NDUFS4: variants seen among roughly 807,000 people sequenced by gnomAD.
NDUFS4 encodes NADH:ubiquinone oxidoreductase subunit S4.
A neutral mutation model predicts 24.3 loss-of-function variants in NDUFS4; 28 were observed. That is an observed-to-expected ratio of 1.15 (90% confidence interval 0.85 to 1.58). NDUFS4 has a LOEUF of 1.58. Among genes scored for constraint, NDUFS4 ranks in the 40% most tolerant of loss-of-function variants. The probability of loss-of-function intolerance (pLI) is 0.00; values close to 1 mark genes in which losing one functional copy is unlikely to be tolerated. For synonymous variants in NDUFS4, 93 were observed against 69.7 expected (o/e 1.34, Z -1.67); for missense variants, 223 against 207.9 (o/e 1.07, Z -0.45).
chr5:53,598,137 C>G (rs1352242948), intron 1 of NDUFS4, among the ~76,000 whole-genome samples: 3 of 151,948 alleles, frequency 2.0e-5, no homozygotes, highest in Admixed American at 6.6e-5. Context: ...AGCAAGAAGT[C>G]TCATTTATTG....
At chr5:53,624,183 T>A (rs1751147333) in intron 2 of NDUFS4, among the ~76,000 whole-genome samples, 1 of 152,222 alleles carries the variant, frequency 6.6e-6, no homozygotes. Context: ...TGCAAGGGTT[T>A]ATTTCTAGGC....
intron 2 of NDUFS4, among the ~76,000 whole-genome samples, chr5:53,604,280 T>C (rs989124357): frequency 2.0e-5 from 3 of 152,238 alleles, no homozygotes; most frequent in African/African-American, 7.2e-5. Flanking sequence ...CCCTTTATTA[T>C]TGTACAGTAT....
chr5:53,562,089 C>T (rs891295773), intron 1 of NDUFS4, among the ~76,000 whole-genome samples: 2 of 151,976 alleles, frequency 1.3e-5, no homozygotes, highest in Non-Finnish European at 2.9e-5. Flanking sequence ...CTGCAACCTC[C>T]GCCTCCCGGG....
rs111549194 is a variant in NDUFS4, at chr5:53,661,646, T to C, written c.424+3022T>C. Among the ~76,000 whole-genome samples, 126 of 152,330 alleles carry C rather than the reference T, an allele frequency of 8.3e-4. 1 individual carries two copies. The highest frequency in any genetic ancestry group is 3.0e-3 in the African/African-American group (123 of 41,568). On this transcript the variant is annotated intron_variant, in intron 4 of 4. Coordinates refer to ENST00000296684, the MANE Select transcript of NDUFS4 (RefSeq NM_002495.4). ...TCCTACCCATGAGCATGGAATGTTCTTCCATTTGTTTGTATCCGCTTTTAT... is the reference window on the plus strand; with the variant it reads ...TCCTACCCATGAGCATGGAATGTTCCTCCATTTGTTTGTATCCGCTTTTAT...
At chr5:53,580,026 A>C (rs1749506081) in intron 1 of NDUFS4, among the ~76,000 whole-genome samples, 1 of 152,202 alleles carries the variant, frequency 6.6e-6, no homozygotes, top group Non-Finnish European at 1.5e-5. Context: ...TCTGACTTCT[A>C]GATCTATAAG....
chr5:53,637,951 A>ACTGTCTT (rs1751605405), intron 2 of NDUFS4, among the ~76,000 whole-genome samples: 3 of 152,100 alleles, frequency 2.0e-5, no homozygotes, highest in African/African-American at 7.2e-5. Context: ...ATATATAGTA[A>ACTGTCTT]CTGTCTTATG....
At chr5:53,575,788 T>C (rs369541613) in intron 1 of NDUFS4, among the ~76,000 whole-genome samples, 1 of 152,226 alleles carries the variant, frequency 6.6e-6, no homozygotes, top group East Asian at 1.9e-4. Flanking sequence ...GTGATCTGCC[T>C]GCCTCTGTCT....
chr5:53,671,374 A>C (rs1198602077), intron 4 of NDUFS4, among the ~76,000 whole-genome samples: 1 of 152,094 alleles, frequency 6.6e-6, no homozygotes, highest in Non-Finnish European at 1.5e-5. Context: ...AGAAGAAAAG[A>C]CTGAATGCTC....
chr5:53,659,405 TG>T (rs1752263381), intron 4 of NDUFS4, among the ~76,000 whole-genome samples: 1 of 152,180 alleles, frequency 6.6e-6, no homozygotes, highest in African/African-American at 2.4e-5. Flanking sequence ...ATGGACTTAA[TG>T]TTTCTCAGTT....
chr5:53,655,845 G>A (rs1752145899), intron 3 of NDUFS4, among the ~76,000 whole-genome samples: 1 of 152,174 alleles, frequency 6.6e-6, no homozygotes, highest in African/African-American at 2.4e-5. Context: ...CGGCCTTTCT[G>A]AAGTTTTGAT....
chr5:53,667,050 T>G (rs1476645007), intron 4 of NDUFS4, among the ~76,000 whole-genome samples: 2 of 152,242 alleles, frequency 1.3e-5, no homozygotes, highest in African/African-American at 4.8e-5. Flanking sequence ...TTCGGTATAG[T>G]ACTTATGATC....
chr5:53,605,169 C>T (rs920681519), intron 2 of NDUFS4, among the ~76,000 whole-genome samples: 5 of 151,926 alleles, frequency 3.3e-5, no homozygotes, highest in South Asian at 4.2e-4. Flanking sequence ...TGCAGGGAGC[C>T]GAGATCGCAC....
intron 2 of NDUFS4, among the ~76,000 whole-genome samples, chr5:53,635,369 A>C (rs76675908): frequency 6.6e-6 from 1 of 151,728 alleles, no homozygotes; most frequent in Non-Finnish European, 1.5e-5. Context: ...AAATGCAAAA[A>C]ATTAGCCAGG....
At chr5:53,629,700 A>C (rs892242301) in intron 2 of NDUFS4, among the ~76,000 whole-genome samples, 1 of 149,728 alleles carries the variant, frequency 6.7e-6, no homozygotes, top group South Asian at 2.1e-4. Flanking sequence ...TAGGATTGTA[A>C]CCCCTCCTTT....
Position 53,665,729 on chromosome 5 carries a change from C to T in NDUFS4, c.424+7105C>T, listed in dbSNP as rs551184771. On this transcript the variant is annotated intron_variant, in intron 4 of 4. Transcript: ENST00000296684. ...ATTTTCCAGGTGCCATCTGTCACCC[C>T]TTTCTTTGACTAGGAAAGGGAATTC... 2.0e-4 allele frequency among the ~76,000 whole-genome samples: 30 copies of T among 152,338 alleles called. 1 individual carries two copies. Among genetic ancestry groups the T allele is most frequent in the Admixed American group, 3.9e-4 (6 of 15,304 alleles).
At chr5:53,596,304 G>T (rs1452684118) in intron 1 of NDUFS4, among the ~76,000 whole-genome samples, 1 of 152,002 alleles carries the variant, frequency 6.6e-6, no homozygotes, top group Non-Finnish European at 1.5e-5. Context: ...GGGATGGTGT[G>T]TGCCTCTAGT....
intron 2 of NDUFS4, among the ~76,000 whole-genome samples, chr5:53,643,450 C>T (rs1041759904): frequency 1.3e-5 from 2 of 152,110 alleles, no homozygotes; most frequent in Middle Eastern, 3.4e-3. Flanking sequence ...CAGGTAGCTC[C>T]GTGTGAATTT....
chr5:53,581,303 A>G (rs545746828), intron 1 of NDUFS4, among the ~76,000 whole-genome samples: 2 of 152,122 alleles, frequency 1.3e-5, no homozygotes, highest in South Asian at 2.1e-4. Context: ...TGCTACAGCT[A>G]TTGCTATCAT....
intron 2 of NDUFS4, among the ~76,000 whole-genome samples, chr5:53,618,529 G>A (rs1463240962): frequency 3.9e-5 from 6 of 152,036 alleles, no homozygotes; most frequent in Admixed American, 2.6e-4. Flanking sequence ...GTGTGTATAC[G>A]TATGTACATG....
Sources: gnomAD v4.1 joint callset for allele counts (sites outside exome capture counted in the v4.1 genomes callset) on GRCh38, gnomAD v4.1.1 for gene constraint, MANE v1.5 for transcripts, NCBI Gene and HGNC (gene_info 2026-07-23, HGNC 2026-07-21) for gene names.